Variants in EFL1 observed in about 807,000 individuals in gnomAD.
EFL1 encodes the protein elongation factor like GTPase 1.
EFL1 carries 76 observed loss-of-function variants against 126.7 expected under a neutral mutation model. That is an observed-to-expected ratio of 0.60 (90% CI 0.50 to 0.73). The LOEUF (loss-of-function observed/expected upper bound fraction) is 0.73. EFL1 is among the 30% of genes least tolerant of loss of function. EFL1 has a pLI of 0.00. For synonymous variants in EFL1, 410 were observed against 448.4 expected (o/e 0.91, Z 1.08); for missense variants, 1,128 against 1,343.2 (o/e 0.84, Z 2.50).
chr15:82,164,939 C>T (rs1332003352), intron 15 of EFL1, among the ~76,000 whole-genome samples: 1 of 151,226 alleles, frequency 6.6e-6, no homozygotes, highest in East Asian at 1.9e-4. Flanking sequence ...TATTGAATCT[C>T]ACACCCAGAC....
At position 82,151,675 on chromosome 15, in the gene EFL1, T is replaced by C. The variant is rs1343559181; in HGVS notation, c.2779A>G (p.Asn927Asp). 6.2e-7 allele frequency: 1 copy of C among 1,614,150 alleles called. No individual in the cohort carries two copies. The highest frequency in any genetic ancestry group is 1.7e-5 in the Admixed American group (1 of 60,022). ...ENETCSGGNE[N>D]QELQDGCSEA... Reference sequence around the variant, plus strand: ...GAGCAGCCATCTTGTAGCTCTTGGTTTTCATTTCCACCAGAACAGGTTTCA... The same window carrying C: ...GAGCAGCCATCTTGTAGCTCTTGGTCTTCATTTCCACCAGAACAGGTTTCA... Residue 927 changes from asparagine to aspartate, a missense_variant, in exon 18 of 20, where the codon AAC (asparagine) becomes GAC (aspartate). Asn to Asp is a conservative substitution (Grantham distance 23). Coordinates refer to ENST00000268206, the MANE Select transcript of EFL1 (RefSeq NM_024580.6).
Position 82,230,935 on chromosome 15 carries a change from A to C in EFL1, c.768T>G (p.Ile256Met), listed in dbSNP as rs779110518. 7 of 1,613,172 alleles carry C rather than the reference A, an allele frequency of 4.3e-6. No homozygotes were observed. The highest frequency in any genetic ancestry group is 5.9e-6 in the Non-Finnish European group (7 of 1,179,576). Residue 256 changes from isoleucine to methionine, a missense_variant, in exon 8 of 20, where the codon ATT (isoleucine) becomes ATG (methionine). By Grantham distance (10) the Ile-to-Met change is conservative (BLOSUM62 1). Around this residue, in one of 6 missense-constraint regions of EFL1, gnomAD observed 316 missense variants for 318.5 expected, o/e 0.99. Coordinates refer to ENST00000268206, the MANE Select transcript of EFL1 (RefSeq NM_024580.6). ...TCATAAGAACTTCCTTTTTGATGCC[A>C]ATTTTTTGACTGTAGATTCTGGCGA... ...EHFARIYSQKIGIKKEVLMKT... is the reference protein window; with the variant it reads ...EHFARIYSQKMGIKKEVLMKT...
intron 9 of EFL1, 77 bp from the exon 10 acceptor site, chr15:82,228,404 G>T: frequency 1.3e-6 from 2 of 1,491,656 alleles, no homozygotes; most frequent in African/African-American, 1.4e-5. Context: ...ACATTATTTG[G>T]CATATTTTTA....
At chr15:82,240,975 A>G (rs1471111700) in intron 5 of EFL1, among the ~76,000 whole-genome samples, 1 of 152,172 alleles carries the variant, frequency 6.6e-6, no homozygotes, top group Non-Finnish European at 1.5e-5. Context: ...ACTTGAACCC[A>G]GGAGGCGGAG....
chr15:82,223,464 G>T (rs753846347), intron 12 of EFL1, among the ~76,000 whole-genome samples: 9 of 152,060 alleles, frequency 5.9e-5, no homozygotes, highest in South Asian at 2.1e-4. Context: ...ACTAAAATCA[G>T]AAAAGCATAT....
chr15:82,182,034 C>T (rs1394108966), intron 15 of EFL1, among the ~76,000 whole-genome samples: 2 of 151,790 alleles, frequency 1.3e-5, no homozygotes, highest in Non-Finnish European at 2.9e-5. Flanking sequence ...CTGAGGCAGG[C>T]AGATCATGAG....
Position 82,241,345 on chromosome 15 carries a change from T to G in EFL1, c.303A>C (p.Ser101=), listed in dbSNP as rs11548681. 0.023 allele frequency: 37,587 copies of G among 1,613,978 alleles called. 617 individuals are homozygous for G. The highest frequency in any genetic ancestry group is 0.084 in the African/African-American group (6,335 of 75,026). Residue 101 remains serine, a synonymous_variant, in exon 5 of 20, where the codon TCA becomes TCC. Coordinates refer to ENST00000268206, the MANE Select transcript of EFL1 (RefSeq NM_024580.6). ...IDSPGHVDFS[S]EVSTAVRICD... ...AAATGCGAACAGCGGTTGATACTTC[T>G]GAGGAAAAGTCCACGTGTCCTGGAG... is the stretch of plus-strand genomic sequence containing the variant.
At chr15:82,187,189 T>C (rs1350043512) in intron 15 of EFL1, among the ~76,000 whole-genome samples, 1 of 152,214 alleles carries the variant, frequency 6.6e-6, no homozygotes, top group Non-Finnish European at 1.5e-5. Context: ...GAGGCGGCAC[T>C]TGTCAATGAG....
intron 8 of EFL1, among the ~76,000 whole-genome samples, chr15:82,229,903 A>T (rs150425153): frequency 6.6e-6 from 1 of 152,372 alleles, no homozygotes; most frequent in Non-Finnish European, 1.5e-5. Flanking sequence ...CCTATGAGAT[A>T]AGTGCTATTA....
intron 19 of EFL1, among the ~76,000 whole-genome samples, chr15:82,134,994 A>C (rs1036243307): frequency 7.9e-5 from 12 of 152,230 alleles, no homozygotes; most frequent in Admixed American, 5.2e-4. Flanking sequence ...TATCTCAACA[A>C]CTGTGTTATT....
intron 18 of EFL1, 129 bp downstream of exon 18, chr15:82,151,336 C>T (rs1170067441): frequency 1.3e-5 from 11 of 877,234 alleles, no homozygotes; most frequent in Middle Eastern, 3.0e-4. Flanking sequence ...TGCAGTGAGC[C>T]GAGATTGTGC....
intron 12 of EFL1, among the ~76,000 whole-genome samples, chr15:82,222,695 G>A (rs1258450780): frequency 1.3e-5 from 2 of 152,182 alleles, no homozygotes; most frequent in Admixed American, 1.3e-4. Context: ...TGTGTAAAAA[G>A]TACCCACTGT....
intron 15 of EFL1, among the ~76,000 whole-genome samples, chr15:82,203,575 A>AT (rs1431302256): frequency 1.3e-5 from 2 of 152,030 alleles, no homozygotes; most frequent in Non-Finnish European, 2.9e-5. Context: ...GGGTTTCATC[A>AT]TGTTGGCCAG....
At position 82,229,080 on chromosome 15, in the gene EFL1, A is replaced by T. The variant is rs747562592; in HGVS notation, c.886T>A (p.Leu296Met). 15 of 1,611,744 alleles carry T rather than the reference A, an allele frequency of 9.3e-6. No individual in the cohort carries two copies. The highest frequency in any genetic ancestry group is 1.3e-5 in the Non-Finnish European group (15 of 1,179,580). Reference protein sequence around the residue: ...AKGKKPLFVQLILENIWSLYD... With the variant: ...AKGKKPLFVQMILENIWSLYD... ...AAACTCCATATATTTTCCAGGATCA[A>T]CTGTACAAATAAAGGTTTCTTTCCT... is the stretch of plus-strand genomic sequence containing the variant. The change falls in exon 9 of 20, where the codon TTG becomes ATG. Residue 296 changes from leucine (L) to methionine (M), a missense_variant. This residue lies in a region of EFL1 where 316 missense variants were observed against 318.5 expected (regional missense o/e 0.99). Transcript: ENST00000268206.
intron 15 of EFL1, among the ~76,000 whole-genome samples, chr15:82,174,045 C>T (rs916107551): frequency 1.6e-4 from 24 of 152,084 alleles, no homozygotes; most frequent in African/African-American, 5.5e-4. Flanking sequence ...AAAAATTAGC[C>T]GGAGGTGGTG....
chr15:82,229,239 G>GA (rs1567071894), intron 8 of EFL1, 129 bp from the exon 9 acceptor site: 1 of 725,300 alleles, frequency 1.4e-6, no homozygotes, highest in African/African-American at 1.8e-5. Context: ...AAATAAAGTA[G>GA]ATGAAAGTAG....
chr15:82,169,365 G>C (rs1239096472), intron 15 of EFL1, among the ~76,000 whole-genome samples: 1 of 151,964 alleles, frequency 6.6e-6, no homozygotes, highest in Non-Finnish European at 1.5e-5. Context: ...TGGTGGTCTG[G>C]CTTTCTTATG....
chr15:82,260,025 A>T (rs2075099636), intron 2 of EFL1, among the ~76,000 whole-genome samples: 1 of 152,184 alleles, frequency 6.6e-6, no homozygotes, highest in Admixed American at 6.5e-5. Flanking sequence ...CCTAGAAAAT[A>T]ATTATCAAGC....
intron 19 of EFL1, among the ~76,000 whole-genome samples, chr15:82,137,753 C>T (rs1338970746): frequency 6.6e-6 from 1 of 152,148 alleles, no homozygotes; most frequent in African/African-American, 2.4e-5. Context: ...TACTTATATC[C>T]TTGAGTTTAC....
Sources: gnomAD v4.1 joint callset for allele counts (sites outside exome capture counted in the v4.1 genomes callset) on GRCh38, gnomAD v4.1.1 for gene constraint, gnomAD v4.1.1 regional missense constraint, MANE v1.5 for transcripts, NCBI Gene and HGNC (gene_info 2026-07-23, HGNC 2026-07-21) for gene names.